TEX9: variants seen among roughly 807,000 people sequenced by gnomAD.
TEX9 encodes testis-expressed protein 9.
Under a neutral mutation model 59.6 loss-of-function variants are expected in TEX9, and 74 were observed. The ratio of observed to expected loss-of-function variants is 1.24; its 90% CI spans 1.03 to 1.51. The LOEUF (loss-of-function observed/expected upper bound fraction) is 1.51, where lower values mean the gene tolerates loss of function less well. Ranked by LOEUF, TEX9 falls within the 40% of genes most tolerant of loss-of-function variation. The probability of loss-of-function intolerance (pLI) is 0.00; values close to 1 mark genes in which losing one functional copy is unlikely to be tolerated. For missense variants in TEX9, 522 were observed against 447.8 expected, an observed-to-expected ratio of 1.17 and a Z score of -1.49; for synonymous variants, 186 against 152.2, an observed-to-expected ratio of 1.22 and a Z score of -1.64.
intron 1 of TEX9, among the ~76,000 whole-genome samples, chr15:56,257,764 CT>C (rs2044177297): frequency 6.6e-6 from 1 of 152,068 alleles, no homozygotes; most frequent in African/African-American, 2.4e-5. Flanking sequence ...TCGATAGTTT[CT>C]TTTGCTGTGC....
Position 56,300,610 on chromosome 15 carries a change from G to A in TEX9, c.-107+56332G>A, listed in dbSNP as rs543931171. On this transcript the variant is annotated intron_variant, in intron 1 of 5. Transcript: ENST00000560827. ...AGACCCAGTATTGTGCTGGCTTTGGGTCTGACCCAGCACGTTCCCAGTGGT... is the reference window on the plus strand; with the variant it reads ...AGACCCAGTATTGTGCTGGCTTTGGATCTGACCCAGCACGTTCCCAGTGGT... 5.9e-5 allele frequency among the ~76,000 whole-genome samples: 9 copies of A among 151,996 alleles called. No homozygotes were observed. The East Asian group carries it at 1.8e-3, about 30-fold the overall frequency.
At chr15:56,433,833 A>C (rs2050666809) in intron 12 of TEX9, among the ~76,000 whole-genome samples, 1 of 152,174 alleles carries the variant, frequency 6.6e-6, no homozygotes, top group Non-Finnish European at 1.5e-5. Context: ...CTATTATCAC[A>C]TGTACATGAC....
rs535764896 is a variant in TEX9, at chr15:56,377,070, T to C, written c.183+3566T>C. Among the ~76,000 whole-genome samples the C allele has an allele frequency of 8.5e-5, 13 of 152,288 alleles. No individual in the cohort carries two copies. The East Asian group carries it at 2.1e-3, about 25-fold the overall frequency. On this transcript the variant is annotated intron_variant, in intron 3 of 12. Transcript: ENST00000352903. ...CAAAAATGAGTTCACTGTAGGTATATGGATTTGTTTCTGGATTTTCTCTAT... is the reference window on the plus strand; with the variant it reads ...CAAAAATGAGTTCACTGTAGGTATACGGATTTGTTTCTGGATTTTCTCTAT...
chr15:56,272,941 T>TA lies in TEX9; in HGVS notation c.-107+28663_-107+28664insA, dbSNP rs1213680641. On this transcript the variant is annotated intron_variant, in intron 1 of 5. Coordinates refer to the TEX9 transcript ENST00000560827. ...TTATTTATTTATTTATTTATTTATT[T>TA]TTTTTGTTGTTGTTGTTGTTGTTGA... 2.1e-5 allele frequency among the ~76,000 whole-genome samples: 3 copies of TA among 145,422 alleles called. No homozygotes were observed. The East Asian group carries it at 7.1e-4, about 34-fold the overall frequency.
chr15:56,388,326 A>G, intron 4 of TEX9, 146 bp from the exon 5 acceptor site: 1 of 606,042 alleles, frequency 1.7e-6, no homozygotes, highest in Non-Finnish European at 2.8e-6. Context: ...ACTCATTCAA[A>G]ATAAATTAAC....
intron 1 of TEX9, among the ~76,000 whole-genome samples, chr15:56,259,884 G>A (rs1416873351): frequency 6.6e-6 from 1 of 151,938 alleles, no homozygotes; most frequent in Non-Finnish European, 1.5e-5. Context: ...CATGAACATG[G>A]TATATCTATT....
chr15:56,278,897 A>G (rs1394808846), intron 1 of TEX9, among the ~76,000 whole-genome samples: 1 of 152,076 alleles, frequency 6.6e-6, no homozygotes, highest in Non-Finnish European at 1.5e-5. Context: ...TCCTGGGGGT[A>G]AGAAAATTGA....
chr15:56,413,157 A>G (rs1596212525), intron 10 of TEX9, among the ~76,000 whole-genome samples: 1 of 76,052 alleles, frequency 1.3e-5, no homozygotes, highest in Non-Finnish European at 3.4e-5. Flanking sequence ...AAGTGATATT[A>G]CCTATTTAAT....
At chr15:56,305,032 A>G (rs2141589167) in intron 1 of TEX9, among the ~76,000 whole-genome samples, 1 of 152,380 alleles carries the variant, frequency 6.6e-6, no homozygotes, top group South Asian at 2.1e-4. Context: ...AACCCCATTT[A>G]CATTAGCTAC....
rs543732424 is a variant in TEX9, at chr15:56,334,122, A to C, written c.-106-39319A>C. Reference sequence around the variant, plus strand: ...TTATAGATTTAATGCAATCCCTATCAAAATACCACGGACATTCTTCACAGA... The same window carrying C: ...TTATAGATTTAATGCAATCCCTATCCAAATACCACGGACATTCTTCACAGA... On this transcript the variant is annotated intron_variant, in intron 1 of 5. Coordinates refer to the TEX9 transcript ENST00000560827. 3.3e-5 allele frequency among the ~76,000 whole-genome samples: 5 copies of C among 152,338 alleles called. No individual in the cohort carries two copies. In the South Asian group the frequency reaches 6.2e-4, roughly 19 times the overall value.
At chr15:56,250,829 A>G (rs2043997936) in intron 1 of TEX9, among the ~76,000 whole-genome samples, 1 of 152,210 alleles carries the variant, frequency 6.6e-6, no homozygotes, top group East Asian at 1.9e-4. Context: ...AGACCCACCA[A>G]AATTATTTAG....
At chr15:56,301,228 T>C (rs2045352946) in intron 1 of TEX9, among the ~76,000 whole-genome samples, 1 of 152,088 alleles carries the variant, frequency 6.6e-6, no homozygotes, top group Non-Finnish European at 1.5e-5. Context: ...TATTAAAGAA[T>C]GCATTGGTTT....
downstream of TEX9, among the ~76,000 whole-genome samples, chr15:56,450,445 T>C (rs1272742627): frequency 6.6e-6 from 1 of 152,190 alleles, no homozygotes; most frequent in East Asian, 1.9e-4. Context: ...ACCCCTGGAA[T>C]TCCTAATCTG....
chr15:56,252,524 C>A (rs1411602314), intron 1 of TEX9, among the ~76,000 whole-genome samples: 1 of 151,844 alleles, frequency 6.6e-6, no homozygotes, highest in East Asian at 1.9e-4. Context: ...AAATTCATGT[C>A]TCCATGACTT....
intron 1 of TEX9, among the ~76,000 whole-genome samples, chr15:56,267,212 G>A (rs901010984): frequency 2.0e-5 from 3 of 152,016 alleles, no homozygotes; most frequent in African/African-American, 4.8e-5. Flanking sequence ...AGTTCTTTGT[G>A]GATTCTGGAT....
intron 2 of TEX9, among the ~76,000 whole-genome samples, chr15:56,366,986 C>A (rs1488577915): frequency 6.6e-6 from 1 of 152,188 alleles, no homozygotes; most frequent in Non-Finnish European, 1.5e-5. Context: ...ATGCCTCAAT[C>A]AAAACGGTTA....
intron 1 of TEX9, among the ~76,000 whole-genome samples, chr15:56,300,706 A>AGAGG (rs1555431661): frequency 9.2e-6 from 1 of 109,144 alleles, no homozygotes. Flanking sequence ...AGAGAGAGAG[A>AGAGG]GGGAGAGAGA....
At chr15:56,362,718 C>G (rs1312364013), upstream of TEX9, among the ~76,000 whole-genome samples, 4 of 152,206 alleles carry the variant, frequency 2.6e-5, no homozygotes, top group African/African-American at 9.6e-5. Flanking sequence ...CATCATCTGC[C>G]AAGCCTAGAC....
intron 1 of TEX9, among the ~76,000 whole-genome samples, chr15:56,324,246 A>C (rs1325784568): frequency 6.6e-6 from 1 of 151,232 alleles, no homozygotes; most frequent in Non-Finnish European, 1.5e-5. Flanking sequence ...ACAATTTTTT[A>C]TCCGTTAAAA....
Sources: gnomAD v4.1 joint callset for allele counts (sites outside exome capture counted in the v4.1 genomes callset) on GRCh38, gnomAD v4.1.1 for gene constraint, MANE v1.5 for transcripts, NCBI Gene and HGNC (gene_info 2026-07-23, HGNC 2026-07-21) for gene names.